The following KCNIP4 variants were observed in gnomAD, a reference collection of about 807,000 sequenced individuals.
KCNIP4 encodes the protein potassium voltage-gated channel interacting protein 4.
A neutral mutation model predicts 34.0 loss-of-function variants in KCNIP4; 12 were observed. That is an observed-to-expected ratio of 0.35 (90% CI 0.23 to 0.57). KCNIP4 has a LOEUF of 0.57. Among genes scored for constraint, KCNIP4 ranks in the 20% least tolerant of loss-of-function variants. KCNIP4 has a pLI of 0.83. For synonymous variants in KCNIP4, 124 were observed against 102.2 expected (o/e 1.21, Z -1.29); for missense variants, 238 against 311.7 (o/e 0.76, Z 1.78).
chr4:21,617,257 A>T (rs184301779), intron 1 of KCNIP4, among the ~76,000 whole-genome samples: 9 of 152,344 alleles, frequency 5.9e-5, no homozygotes, highest in African/African-American at 2.2e-4. Flanking sequence ...AGTAAAATTC[A>T]TTATTAAATA....
chr4:21,579,803 C>T (rs1741070449), intron 1 of KCNIP4, among the ~76,000 whole-genome samples: 1 of 152,152 alleles, frequency 6.6e-6, no homozygotes, highest in South Asian at 2.1e-4. Context: ...CTTTATTTAA[C>T]TAAATGTTTC....
intron 1 of KCNIP4, among the ~76,000 whole-genome samples, chr4:21,764,929 C>A (rs1330390226): frequency 6.6e-6 from 1 of 151,954 alleles, no homozygotes; most frequent in Non-Finnish European, 1.5e-5. Context: ...AATTCATAAG[C>A]CCTTTGCTCT....
Position 21,417,274 on chromosome 4 carries a change from G to GGT in KCNIP4, c.61+531295_61+531296dup, listed in dbSNP as rs139696783. On this transcript the variant is annotated intron_variant, in intron 1 of 8. Coordinates refer to ENST00000382152, the MANE Select transcript of KCNIP4 (RefSeq NM_025221.6). ...CATGTTGGAAAATTATGTTTCTTGAGGTGTGTGTGTGTGTGTGTGTCTGTT... is the reference window on the plus strand; with the variant it reads ...CATGTTGGAAAATTATGTTTCTTGAGGTGTGTGTGTGTGTGTGTGTGTCTGTT... Among the ~76,000 whole-genome samples the GGT allele has an allele frequency of 6.9e-3, 1,042 of 150,130 alleles. 7 individuals carry two copies. The highest frequency in any genetic ancestry group is 0.013 in the South Asian group (62 of 4,740).
At chr4:21,306,075 T>C (rs1173543193) in intron 1 of KCNIP4, among the ~76,000 whole-genome samples, 1 of 152,178 alleles carries the variant, frequency 6.6e-6, no homozygotes, top group Non-Finnish European at 1.5e-5. Context: ...AATGATTAGG[T>C]GATTACTACA....
rs192293272 is a variant in KCNIP4 at position 21,243,947 on chromosome 4, C to G, written c.62-361238G>C. ...AGTATAGACTTCACAGCAAGATCAT[C>G]GAATGTCTCAAGGTAAGGAGAGCTC... On this transcript the variant is annotated intron_variant, in intron 1 of 8. Transcript: ENST00000382152. 1.4e-3 allele frequency among the ~76,000 whole-genome samples: 215 copies of G among 152,184 alleles called. 1 individual carries two copies. The highest frequency in any genetic ancestry group is 4.8e-3 in the African/African-American group (198 of 41,516).
intron 1 of KCNIP4, among the ~76,000 whole-genome samples, chr4:21,569,801 A>G (rs1357727664): frequency 6.6e-6 from 1 of 152,084 alleles, no homozygotes. Flanking sequence ...GGGGAGAAAA[A>G]AAGAAAGAAT....
chr4:21,300,305 C>T (rs1458860673), intron 1 of KCNIP4, among the ~76,000 whole-genome samples: 1 of 152,104 alleles, frequency 6.6e-6, no homozygotes, highest in Non-Finnish European at 1.5e-5. Flanking sequence ...AGGCAATTTA[C>T]TGTTGTGAAG....
intron 1 of KCNIP4, among the ~76,000 whole-genome samples, chr4:20,902,620 C>T (rs58726364): frequency 0.018 from 2,801 of 152,144 alleles, 84 homozygotes; most frequent in African/African-American, 0.064. Context: ...CCCGGGTTCA[C>T]GTGATTCTCT....
At chr4:20,828,462 T>C (rs1718036927) in intron 3 of KCNIP4, among the ~76,000 whole-genome samples, 2 of 152,030 alleles carry the variant, frequency 1.3e-5, no homozygotes, top group Non-Finnish European at 2.9e-5. Context: ...GGAAGTAAAA[T>C]GTTGTCAGTT....
intron 1 of KCNIP4, among the ~76,000 whole-genome samples, chr4:21,215,513 T>C (rs1757492918): frequency 6.6e-6 from 1 of 152,220 alleles, no homozygotes; most frequent in Non-Finnish European, 1.5e-5. Flanking sequence ...CTGGACTCCT[T>C]CCATATGTGA....
chr4:21,652,509 G>A (rs960249687), intron 1 of KCNIP4, among the ~76,000 whole-genome samples: 2 of 152,104 alleles, frequency 1.3e-5, no homozygotes, highest in East Asian at 1.9e-4. Context: ...AAGATGTAAG[G>A]AGCCTGAGAC....
chr4:21,071,152 T>C (rs1044186306), intron 1 of KCNIP4, among the ~76,000 whole-genome samples: 1 of 152,182 alleles, frequency 6.6e-6, no homozygotes, highest in Non-Finnish European at 1.5e-5. Flanking sequence ...GTATGGATCA[T>C]GTCTAAGAAC....
At chr4:21,116,982 AAATAC>A (rs1749727899) in intron 1 of KCNIP4, among the ~76,000 whole-genome samples, 1 of 152,160 alleles carries the variant, frequency 6.6e-6, no homozygotes, top group Non-Finnish European at 1.5e-5. Flanking sequence ...ATTAAAATAC[AAATAC>A]AGCTACCATC....
intron 1 of KCNIP4, among the ~76,000 whole-genome samples, chr4:21,696,692 A>T (rs761721171): frequency 6.6e-6 from 1 of 152,212 alleles, no homozygotes; most frequent in Non-Finnish European, 1.5e-5. Flanking sequence ...ATTTTGGAAC[A>T]TATTAAAAAT....
At chr4:21,932,171 T>C (rs543875548) in intron 1 of KCNIP4, among the ~76,000 whole-genome samples, 2 of 152,240 alleles carry the variant, frequency 1.3e-5, no homozygotes, top group Admixed American at 1.3e-4. Flanking sequence ...ACTAGTACCA[T>C]GAGTATCTAA....
intron 1 of KCNIP4, among the ~76,000 whole-genome samples, chr4:21,746,592 TA>T (rs11324541): frequency 0.62 from 92,759 of 149,908 alleles, 29,825 homozygotes; most frequent in African/African-American, 0.75. Context: ...CAAGAAAAAA[TA>T]AAAAAAAAAG....
chr4:21,754,981 T>C (rs1392292795), intron 1 of KCNIP4, among the ~76,000 whole-genome samples: 1 of 152,108 alleles, frequency 6.6e-6, no homozygotes, highest in Non-Finnish European at 1.5e-5. Context: ...ACCCTGTCTC[T>C]ACTAAAAATA....
At chr4:21,740,757 G>T (rs1716345385) in intron 1 of KCNIP4, among the ~76,000 whole-genome samples, 1 of 152,058 alleles carries the variant, frequency 6.6e-6, no homozygotes, top group Non-Finnish European at 1.5e-5. Context: ...AAATCTGATG[G>T]AGAATCTGGG....
intron 1 of KCNIP4, among the ~76,000 whole-genome samples, chr4:21,668,328 G>A (rs916789651): frequency 1.3e-5 from 2 of 151,956 alleles, no homozygotes; most frequent in Admixed American, 6.6e-5. Context: ...TACACGTTCT[G>A]CACATATATC....
Sources: allele counts gnomAD v4.1 joint callset (sites outside exome capture counted in the v4.1 genomes callset), GRCh38; gene constraint gnomAD v4.1.1; transcripts MANE v1.5; gene names NCBI Gene and HGNC (gene_info 2026-07-23, HGNC 2026-07-21).